PARN: variants seen among roughly 807,000 people sequenced by gnomAD.
PARN encodes poly(A)-specific ribonuclease.
Under a neutral mutation model 102.8 loss-of-function variants are expected in PARN, and 71 were observed. That is an observed-to-expected ratio of 0.69 (90% CI 0.57 to 0.84). The LOEUF (loss-of-function observed/expected upper bound fraction) is 0.84, where lower values mean the gene tolerates loss of function less well. Ranked by LOEUF, PARN falls within the 40% of genes least tolerant of loss-of-function variation. The pLI, the probability that PARN is intolerant of heterozygous loss-of-function variation, is 0.00. For synonymous variants in PARN, 261 were observed against 252.9 expected (o/e 1.03, Z -0.30); for missense variants, 782 against 760.9 (o/e 1.03, Z -0.33).
chr16:14,620,018 C>T (rs144534090), intron 5 of PARN, among the ~76,000 whole-genome samples: 1,426 of 133,088 alleles, frequency 0.011, 25 homozygotes, highest in African/African-American at 0.038. Flanking sequence ...TGCCATGAGC[C>T]GAGATCATGC....
intron 21 of PARN, among the ~76,000 whole-genome samples, chr16:14,497,661 A>G (rs867649881): frequency 1.3e-5 from 2 of 152,240 alleles, no homozygotes; most frequent in Non-Finnish European, 2.9e-5. Flanking sequence ...AGAGCAGCAC[A>G]TATTTTAAGG....
chr16:14,454,077 T>C (rs1224581616), intron 22 of PARN, among the ~76,000 whole-genome samples: 1 of 152,194 alleles, frequency 6.6e-6, no homozygotes, highest in Non-Finnish European at 1.5e-5. Flanking sequence ...ATCCCCCTTT[T>C]CAAAAAACTG....
intron 21 of PARN, among the ~76,000 whole-genome samples, chr16:14,486,473 G>C (rs750194240): frequency 6.6e-6 from 1 of 152,174 alleles, no homozygotes; most frequent in Non-Finnish European, 1.5e-5. Flanking sequence ...GGTCACAGGC[G>C]AGCTGAGTTA....
At chr16:14,516,498 G>A (rs1164362003) in intron 21 of PARN, among the ~76,000 whole-genome samples, 1 of 152,088 alleles carries the variant, frequency 6.6e-6, no homozygotes, top group East Asian at 1.9e-4. Context: ...AAAAGAGTAA[G>A]TCAAGAAAAA....
intron 16 of PARN, 134 bp from the exon 17 acceptor site, chr16:14,582,425 C>T: frequency 1.5e-6 from 1 of 651,336 alleles, no homozygotes; most frequent in South Asian, 1.8e-5. Flanking sequence ...TTCCTTAATT[C>T]TCTCTATATA....
In PARN at chr16:14,588,408, G is replaced by A. The variant is rs61110600; in HGVS notation, c.919-2047C>T. ...ATTTAGAATTTTCAGCAGGGTCAGT[G>A]ACAGGAACGGAGCCATACATCAGAA... On this transcript the variant is annotated intron_variant, in intron 13 of 23. Coordinates refer to ENST00000437198, the MANE Select transcript of PARN (RefSeq NM_002582.4). Among the ~76,000 whole-genome samples, 1,321 of 152,274 alleles carry A rather than the reference G, an allele frequency of 8.7e-3. 22 individuals carry two copies. The highest frequency in any genetic ancestry group is 0.03 in the African/African-American group (1,242 of 41,548).
chr16:14,562,950 C>G (rs1400443352), intron 18 of PARN, among the ~76,000 whole-genome samples: 1 of 152,140 alleles, frequency 6.6e-6, no homozygotes, highest in Admixed American at 6.6e-5. Flanking sequence ...CTAAGCCATT[C>G]CCTAGTAGTC....
At chr16:14,520,132 G>C (rs1040537576) in intron 21 of PARN, among the ~76,000 whole-genome samples, 2 of 152,214 alleles carry the variant, frequency 1.3e-5, no homozygotes, top group Non-Finnish European at 2.9e-5. Flanking sequence ...GAGGTGGGGA[G>C]TGGATACAAT....
intron 21 of PARN, among the ~76,000 whole-genome samples, chr16:14,508,966 C>A (rs1016382579): frequency 6.7e-6 from 1 of 150,046 alleles, no homozygotes; most frequent in Non-Finnish European, 1.5e-5. Flanking sequence ...TCCTGAGAAT[C>A]CAGAAGGTAA....
chr16:14,484,215 T>C (rs1030766268), intron 21 of PARN, among the ~76,000 whole-genome samples: 1 of 152,228 alleles, frequency 6.6e-6, no homozygotes, highest in Admixed American at 6.5e-5. Context: ...TGTTAATGCT[T>C]CAGACTAAGG....
rs1237899235 is a variant in PARN, at chr16:14,522,732, G to GC, written c.1480+29288dup. On this transcript the variant is annotated intron_variant, in intron 21 of 23. Transcript: ENST00000437198. ...ATCAAGATGGGCACACAGAAAGGCT[G>GC]CCCCCTCCAAGTGAAGAAGGCAAGA... is the stretch of plus-strand genomic sequence containing the variant. Among the ~76,000 whole-genome samples, 3 of 152,146 alleles carry GC rather than the reference G, an allele frequency of 2.0e-5. No homozygotes were observed. In the East Asian group the frequency reaches 5.8e-4, roughly 29 times the overall value.
In PARN at chr16:14,483,682, C is replaced by T. The variant is rs551977622; in HGVS notation, c.1481-855G>A. Among the ~76,000 whole-genome samples, 7 of 152,164 alleles carry T rather than the reference C, an allele frequency of 4.6e-5. No individual in the cohort carries two copies. In the South Asian group the frequency reaches 1.5e-3, roughly 32 times the overall value. On this transcript the variant is annotated intron_variant, in intron 21 of 23. Transcript: ENST00000437198. ...TGCCTGTTTTTAGACAGACTCCCAC[C>T]CCTCCTTCACTGGACGAAGGCGCCT...
intron 18 of PARN, among the ~76,000 whole-genome samples, chr16:14,559,890 C>T (rs1421254895): frequency 1.3e-5 from 2 of 152,172 alleles, no homozygotes; most frequent in South Asian, 2.1e-4. Context: ...CTCTGGAGAG[C>T]GCCACGCAAT....
At chr16:14,562,021 G>A (rs142469057) in intron 18 of PARN, among the ~76,000 whole-genome samples, 75 of 150,166 alleles carry the variant, frequency 5.0e-4, no homozygotes, top group Middle Eastern at 3.6e-3. Flanking sequence ...GGGTGGTGGC[G>A]CACGCCTGTA....
At chr16:14,495,596 G>C (rs1365054671) in intron 21 of PARN, among the ~76,000 whole-genome samples, 6 of 152,240 alleles carry the variant, frequency 3.9e-5, no homozygotes, top group Admixed American at 3.9e-4. Flanking sequence ...GGACCACAGC[G>C]AGAGGAGAGT....
chr16:14,439,428 GAGGGAGGGAGGA>G (rs1960853636), intron 23 of PARN, among the ~76,000 whole-genome samples: 1 of 141,450 alleles, frequency 7.1e-6, no homozygotes, highest in Non-Finnish European at 1.5e-5. Flanking sequence ...GACAGGGAGG[GAGGGAGGGAGGA>G]AGGGAGGGAG....
chr16:14,618,947 G>A (rs1183636935), intron 5 of PARN, among the ~76,000 whole-genome samples: 2 of 152,118 alleles, frequency 1.3e-5, no homozygotes, highest in Non-Finnish European at 2.9e-5. Context: ...TGTAATCCTA[G>A]CACTTAGGGA....
chr16:14,567,850 C>G (rs1038536267), intron 18 of PARN, among the ~76,000 whole-genome samples: 1 of 152,238 alleles, frequency 6.6e-6, no homozygotes, highest in Non-Finnish European at 1.5e-5. Flanking sequence ...AAATAACACA[C>G]AGGGTAGGTA....
chr16:14,483,456 C>G (rs1016966022), intron 21 of PARN, among the ~76,000 whole-genome samples: 1 of 152,208 alleles, frequency 6.6e-6, no homozygotes, highest in African/African-American at 2.4e-5. Flanking sequence ...AGATGCAAAA[C>G]CAGGTTCCTC....
Sources: gnomAD v4.1 joint callset for allele counts (sites outside exome capture counted in the v4.1 genomes callset) on GRCh38, gnomAD v4.1.1 for gene constraint, MANE v1.5 for transcripts, NCBI Gene and HGNC (gene_info 2026-07-23, HGNC 2026-07-21) for gene names.